The following DMD variants were observed in gnomAD, a reference collection of about 807,000 sequenced individuals.
DMD encodes dystrophin.
A neutral mutation model predicts 330.1 loss-of-function variants in DMD; 63 were observed. The observed-to-expected ratio is 0.19, with a 90% CI of 0.16 to 0.24. DMD has a LOEUF of 0.24. Ranked by LOEUF, DMD falls within the 10% of genes least tolerant of loss-of-function variation. The pLI is 1.00. For missense variants in DMD, 3,344 were observed against 2,684.1 expected (o/e 1.25, Z -5.43); for synonymous variants, 1,223 against 959.8 (o/e 1.27, Z -5.07).
intron 7 of DMD, among the ~76,000 whole-genome samples, chrX:32,782,868 T>TAC (rs1279412965): frequency 6.5e-5 from 7 of 106,909 alleles, no homozygotes; most frequent in Non-Finnish European, 1.4e-4. Context: ...CATATATATA[T>TAC]ACACACACAC....
chrX:33,104,916 T>G (rs987706511), intron 1 of DMD, among the ~76,000 whole-genome samples: 1 of 112,316 alleles, frequency 8.9e-6, no homozygotes, highest in South Asian at 3.6e-4. Flanking sequence ...TGAATCTCCT[T>G]GTAATTATCA....
chrX:31,134,012 T>C (rs1477002372), intron 77 of DMD, 90 bp downstream of exon 77: 1 of 818,746 alleles, frequency 1.2e-6, no homozygotes, highest in Non-Finnish European at 1.8e-6. Context: ...CGTGTTGGCT[T>C]CCATATGGAA....
At position 31,858,374 on chromosome X, in the gene DMD, T is replaced by C. The variant is rs1014629678; in HGVS notation, c.7098+16814A>G. 5.4e-5 allele frequency among the ~76,000 whole-genome samples: 6 copies of C among 111,421 alleles called. No homozygotes were observed. The East Asian group carries it at 1.7e-3, about 31-fold the overall frequency. ...ATTCTGAATTAGGATATATGAAGTA[T>C]TACTTAAAACCCTTCAGAATGTTAC... On this transcript the variant is annotated intron_variant, in intron 48 of 78. Coordinates refer to ENST00000357033, the MANE Select transcript of DMD (RefSeq NM_004006.3).
intron 2 of DMD, among the ~76,000 whole-genome samples, chrX:32,867,938 G>T (rs1346969595): frequency 2.7e-5 from 3 of 110,833 alleles, no homozygotes; most frequent in Non-Finnish European, 5.7e-5. Flanking sequence ...ATGGAGAGAG[G>T]CCAAGATGAC....
At chrX:31,963,273 G>A (rs1442911976) in intron 45 of DMD, among the ~76,000 whole-genome samples, 2 of 111,819 alleles carry the variant, frequency 1.8e-5, no homozygotes, top group African/African-American at 6.5e-5. Flanking sequence ...ATTTACGAAT[G>A]CCTCCCATTA....
chrX:32,961,872 T>C (rs1279905706), intron 2 of DMD, among the ~76,000 whole-genome samples: 1 of 111,974 alleles, frequency 8.9e-6, no homozygotes, highest in East Asian at 2.8e-4. Context: ...CATATTATAC[T>C]TGCGTTAAGT....
At position 32,644,607 on chromosome X, in the gene DMD, A is replaced by G. The variant is rs190679412; in HGVS notation, c.1150-294T>C. Among the ~76,000 whole-genome samples, 436 of 110,168 alleles carry G rather than the reference A, an allele frequency of 4.0e-3. 8 individuals are homozygous for G. The highest frequency in any genetic ancestry group is 0.032 in the Admixed American group (328 of 10,137). ...CAAGGGAGTTGAAGATGGAGGAAAA[A>G]GGACAGGGAAGGGAAAGAAGCCAAA... On this transcript the variant is annotated intron_variant, in intron 10 of 78. Transcript: ENST00000357033.
At chrX:31,228,275 T>TAAAAAAA (rs779738772) in intron 63 of DMD, among the ~76,000 whole-genome samples, 6 of 83,936 alleles carry the variant, frequency 7.1e-5, no homozygotes, top group Non-Finnish European at 9.5e-5. Flanking sequence ...AATAAAAAAA[T>TAAAAAAA]AAAAAAAAAA....
chrX:33,012,277 G>C (rs2093716647), intron 2 of DMD, among the ~76,000 whole-genome samples: 1 of 111,525 alleles, frequency 9.0e-6, no homozygotes, highest in Admixed American at 9.6e-5. Flanking sequence ...TAATCATCTT[G>C]ATTCCAAACA....
intron 51 of DMD, among the ~76,000 whole-genome samples, chrX:31,751,522 T>TA (rs2088571935): frequency 8.9e-6 from 1 of 111,973 alleles, no homozygotes; most frequent in Non-Finnish European, 1.9e-5. Flanking sequence ...CATCTTTCTC[T>TA]AACTTCATTT....
chrX:32,169,358 A>G (rs760338280), intron 44 of DMD, among the ~76,000 whole-genome samples: 70 of 111,978 alleles, frequency 6.3e-4, no homozygotes, highest in Admixed American at 3.6e-3. Flanking sequence ...ATTTCTCATC[A>G]CTATGCATAA....
At position 32,489,457 on chromosome X, in the gene DMD, C is replaced by G. The variant is rs752490781; in HGVS notation, c.2622+1820G>C. On this transcript the variant is annotated intron_variant, in intron 20 of 78. Transcript: ENST00000357033. ...TTCTCTCTCTCTGCATGTATACACA[C>G]AGAGGAAAGCCATGTGAGGACAGAG... Among the ~76,000 whole-genome samples the G allele has an allele frequency of 1.1e-4, 12 of 110,968 alleles. No homozygotes were observed. The South Asian group carries it at 4.6e-3, about 43-fold the overall frequency.
chrX:32,599,622 AC>A (rs2055958010), intron 12 of DMD, among the ~76,000 whole-genome samples: 1 of 108,424 alleles, frequency 9.2e-6, no homozygotes, highest in Non-Finnish European at 2.0e-5. Context: ...AGAGAAGTAC[AC>A]AAAAATGTTT....
intron 1 of DMD, among the ~76,000 whole-genome samples, chrX:33,150,331 G>A (rs1432134164): frequency 1.1e-5 from 1 of 93,772 alleles, no homozygotes; most frequent in South Asian, 5.8e-4. Context: ...GTCTCACTCT[G>A]TTGCCCAGGC....
At chrX:32,798,073 A>C (rs1603427520) in intron 7 of DMD, among the ~76,000 whole-genome samples, 1 of 111,974 alleles carries the variant, frequency 8.9e-6, no homozygotes, top group South Asian at 3.6e-4. Context: ...CATAAAGTTA[A>C]AATGGTGACA....
intron 1 of DMD, among the ~76,000 whole-genome samples, chrX:33,224,246 G>C (rs1026259690): frequency 1.8e-5 from 2 of 112,176 alleles, no homozygotes; most frequent in Non-Finnish European, 3.8e-5. Flanking sequence ...ACCCAAATAA[G>C]CTGAAAACTT....
intron 9 of DMD, among the ~76,000 whole-genome samples, chrX:32,650,296 G>C (rs766427213): frequency 5.4e-5 from 6 of 111,334 alleles, no homozygotes; most frequent in Non-Finnish European, 7.5e-5. Context: ...TATTGGTCTT[G>C]AATGCATAAA....
At chrX:32,685,162 TC>T (rs11300880) in intron 9 of DMD, among the ~76,000 whole-genome samples, 4,434 of 111,319 alleles carry the variant, frequency 0.04, 243 homozygotes, top group African/African-American at 0.14. Context: ...GCATACTTGT[TC>T]CTGAACTATT....
intron 1 of DMD, among the ~76,000 whole-genome samples, chrX:33,223,034 G>A (rs1386701174): frequency 8.9e-6 from 1 of 112,108 alleles, no homozygotes; most frequent in East Asian, 2.8e-4. Context: ...GAAGGGCTGG[G>A]CGTGGTGGCT....
Sources: gnomAD v4.1 joint callset for allele counts (sites outside exome capture counted in the v4.1 genomes callset) on GRCh38, gnomAD v4.1.1 for gene constraint, MANE v1.5 for transcripts, NCBI Gene and HGNC (gene_info 2026-07-23, HGNC 2026-07-21) for gene names.